TENT2: variants seen among roughly 807,000 people sequenced by gnomAD.
TENT2 encodes poly(A) RNA polymerase GLD2.
In TENT2, 44 loss-of-function variants were observed where a neutral mutation model predicts 72.2. The ratio of observed to expected loss-of-function variants is 0.61; its 90% CI spans 0.48 to 0.78. TENT2 has a LOEUF of 0.78. Among genes scored for constraint, TENT2 ranks in the 30% least tolerant of loss-of-function variants. The pLI is 0.00. For synonymous variants in TENT2, 212 were observed against 192.5 expected (o/e 1.10, Z -0.84); for missense variants, 541 against 569.6 (o/e 0.95, Z 0.51).
chr5:79,638,438 G>A (rs1481602026), intron 4 of TENT2, among the ~76,000 whole-genome samples: 1 of 151,986 alleles, frequency 6.6e-6, no homozygotes, highest in Admixed American at 6.6e-5. Context: ...TTCTCTTCCT[G>A]GCAGTTTCTG....
intron 4 of TENT2, among the ~76,000 whole-genome samples, chr5:79,630,675 A>G (rs968162327): frequency 3.3e-5 from 5 of 152,134 alleles, no homozygotes; most frequent in Non-Finnish European, 7.3e-5. Context: ...AATAACTGAA[A>G]GGAGGTCAAG....
chr5:79,669,013 A>G lies in TENT2; in HGVS notation c.1193A>G (p.Tyr398Cys), dbSNP rs1810728108. The part of the protein sequence containing the change: ...GDLLLGFLKY[Y>C]ATEFDWNSQM... ...CTCTTACTGGGCTTTCTTAAATATT[A>G]TGCTACAGAATTTGAGTAAGTAAAA... Residue 398 changes from tyrosine (Y) to cysteine (C), a missense_variant, in exon 12 of 15, where the codon TAT (tyrosine) becomes TGT (cysteine). Transcript: ENST00000453514. 6 of 1,613,686 alleles carry G rather than the reference A, an allele frequency of 3.7e-6. No homozygotes were observed. Among genetic ancestry groups the G allele is most frequent in the East Asian group, 2.2e-5 (1 of 44,830 alleles).
In TENT2 at chr5:79,641,113, C is replaced by CT. The variant is rs1387293648; in HGVS notation, c.596dup (p.Leu199PhefsTer15). 2.5e-6 allele frequency: 4 copies of CT among 1,569,752 alleles called. No homozygotes were observed. Among genetic ancestry groups the CT allele is most frequent in the Admixed American group, 2.1e-5 (1 of 46,802 alleles). On this transcript the variant is annotated frameshift_variant, in exon 6 of 15. Coordinates refer to ENST00000453514, the MANE Select transcript of TENT2 (RefSeq NM_001114394.3). LOFTEE classifies it high-confidence loss of function. ...TTCTTCTGTTTCTTTAGAAAGCAGA[C>CT]TTTTTTTGGTTGGGTCCTCTTTAAA...
At chr5:79,634,427 C>G (rs917393822) in intron 4 of TENT2, among the ~76,000 whole-genome samples, 2 of 152,080 alleles carry the variant, frequency 1.3e-5, no homozygotes, top group Non-Finnish European at 2.9e-5. Flanking sequence ...ACCTCTGCCT[C>G]CCAGGTTCAA....
At chr5:79,646,638 A>T (rs1789253608) in intron 8 of TENT2, among the ~76,000 whole-genome samples, 1 of 152,212 alleles carries the variant, frequency 6.6e-6, no homozygotes, top group Non-Finnish European at 1.5e-5. Flanking sequence ...ATATATAGGG[A>T]GATAAAACAT....
chr5:79,683,154 A>G (rs1823368082), intron 14 of TENT2, among the ~76,000 whole-genome samples: 1 of 152,176 alleles, frequency 6.6e-6, no homozygotes, highest in Non-Finnish European at 1.5e-5. Flanking sequence ...CTCTAAAAAA[A>G]AAATGAATAA....
At chr5:79,632,903 G>C (rs1420552568) in intron 4 of TENT2, among the ~76,000 whole-genome samples, 1 of 152,002 alleles carries the variant, frequency 6.6e-6, no homozygotes, top group African/African-American at 2.4e-5. Flanking sequence ...GCAATTCTTT[G>C]GCCAAGTTCA....
At chr5:79,682,575 A>G (rs1322262734) in intron 14 of TENT2, among the ~76,000 whole-genome samples, 2 of 151,626 alleles carry the variant, frequency 1.3e-5, no homozygotes, top group Admixed American at 1.3e-4. Context: ...ATGAGCCACC[A>G]TGCCCTACCG....
chr5:79,682,312 T>G (rs1239996181), intron 14 of TENT2, among the ~76,000 whole-genome samples: 1 of 152,184 alleles, frequency 6.6e-6, no homozygotes, highest in African/African-American at 2.4e-5. Flanking sequence ...GGAGTTTCAC[T>G]CTTGTTGCCC....
intron 1 of TENT2, chr5:79,617,647 T>G (rs116184802): frequency 9.8e-4 from 149 of 152,324 alleles, no homozygotes; most frequent in African/African-American, 3.5e-3. Context: ...TTTTTCTAGA[T>G]TCCAGGTTTT....
intron 4 of TENT2, among the ~76,000 whole-genome samples, chr5:79,637,798 CTTT>C (rs60911107): frequency 1.6e-5 from 2 of 122,384 alleles, no homozygotes; most frequent in African/African-American, 3.2e-5. Context: ...TCCTCTTTTG[CTTT>C]TTTTTTTTTT....
intron 4 of TENT2, among the ~76,000 whole-genome samples, chr5:79,627,485 T>A (rs1771303103): frequency 6.6e-6 from 1 of 152,136 alleles, no homozygotes; most frequent in Non-Finnish European, 1.5e-5. Context: ...TGAACCAATT[T>A]CTTTTTTTTC....
intron 4 of TENT2, among the ~76,000 whole-genome samples, chr5:79,638,356 T>C (rs2150357221): frequency 6.6e-6 from 1 of 152,346 alleles, no homozygotes; most frequent in Middle Eastern, 3.4e-3. Flanking sequence ...CATATTCATA[T>C]GTCCACTGAG....
At chr5:79,617,057 A>T (rs1196993681) in intron 1 of TENT2, among the ~76,000 whole-genome samples, 1 of 151,908 alleles carries the variant, frequency 6.6e-6, no homozygotes, top group Non-Finnish European at 1.5e-5. Context: ...CCTCCTAGTC[A>T]CAATCCCCAG....
At chr5:79,651,226 A>T (rs762819017) in intron 10 of TENT2, among the ~76,000 whole-genome samples, 1 of 152,012 alleles carries the variant, frequency 6.6e-6, no homozygotes, top group Admixed American at 6.6e-5. Context: ...ATAAATGTCA[A>T]GTTCAGGTCT....
intron 9 of TENT2, 60 bp downstream of exon 9, chr5:79,648,753 T>G: frequency 2.3e-6 from 3 of 1,293,288 alleles, no homozygotes; most frequent in Non-Finnish European, 3.3e-6. Context: ...TTTTTAAAGA[T>G]GTTTGGCATA....
chr5:79,677,449 G>C (rs1051663669), intron 12 of TENT2, among the ~76,000 whole-genome samples: 4 of 152,102 alleles, frequency 2.6e-5, no homozygotes, highest in Admixed American at 1.3e-4. Context: ...GGTAAAGATA[G>C]AATTTTTGAT....
chr5:79,664,148 A>G (rs532311499), intron 11 of TENT2, among the ~76,000 whole-genome samples: 1 of 152,278 alleles, frequency 6.6e-6, no homozygotes, highest in East Asian at 1.9e-4. Flanking sequence ...CATATAAGGG[A>G]CTTTAGCATC....
chr5:79,682,135 T>TA (rs1822467825), intron 14 of TENT2, 74 bp downstream of exon 14: 2 of 982,696 alleles, frequency 2.0e-6, no homozygotes, highest in Admixed American at 4.5e-5. Context: ...AATACGTGTG[T>TA]AGTAGGACAG....
Sources: allele counts gnomAD v4.1 joint callset (sites outside exome capture counted in the v4.1 genomes callset), GRCh38; gene constraint gnomAD v4.1.1; transcripts MANE v1.5; gene names NCBI Gene and HGNC (gene_info 2026-07-23, HGNC 2026-07-21).